Variants in RBFOX3 observed in about 807,000 individuals in gnomAD.
RBFOX3 encodes RNA binding fox-1 homolog 3, also known as RNA binding protein fox-1 homolog 3.
In RBFOX3, 17 loss-of-function variants were observed where a neutral mutation model predicts 48.7. The ratio of observed to expected loss-of-function variants is 0.35; its 90% CI spans 0.24 to 0.52. RBFOX3 has a LOEUF of 0.52. Ranked by LOEUF, RBFOX3 falls within the 20% of genes least tolerant of loss-of-function variation. The probability of loss-of-function intolerance (pLI) is 0.94; values close to 1 mark genes in which losing one functional copy is unlikely to be tolerated. For missense variants in RBFOX3, 382 were observed against 497.5 expected (o/e 0.77, Z 2.21); for synonymous variants, 212 against 209.5 (o/e 1.01, Z -0.10).
In RBFOX3 at chr17:79,091,212, G is replaced by A. The variant is rs1039758036; in HGVS notation, c.1078-327C>T. Among the ~76,000 whole-genome samples, 100 of 152,312 alleles carry A rather than the reference G, an allele frequency of 6.6e-4. 1 individual carries two copies. Among genetic ancestry groups the A allele is most frequent in the African/African-American group, 2.4e-3 (98 of 41,574 alleles). On this transcript the variant is annotated intron_variant, in intron 14 of 14. Coordinates refer to ENST00000693108, the MANE Select transcript of RBFOX3 (RefSeq NM_001350451.2). ...GGCAGAGGGTGATGGTCTGGCCACGGGAGGTGGGGGAGCCGGGCCCCCCAC... is the reference window on the plus strand; with the variant it reads ...GGCAGAGGGTGATGGTCTGGCCACGAGAGGTGGGGGAGCCGGGCCCCCCAC...
intron 4 of RBFOX3, among the ~76,000 whole-genome samples, chr17:79,180,347 C>G (rs1454555165): frequency 6.6e-6 from 1 of 152,230 alleles, no homozygotes; most frequent in African/African-American, 2.4e-5. Context: ...GCTTAGAAAG[C>G]CTGTTTAAAT....
intron 3 of RBFOX3, among the ~76,000 whole-genome samples, chr17:79,305,597 G>C (rs952396651): frequency 1.4e-4 from 21 of 152,096 alleles, no homozygotes; most frequent in Non-Finnish European, 2.1e-4. Context: ...AAAGACTTTG[G>C]GGAAGTCACG....
chr17:79,611,772 C>T (rs2145584169), upstream of RBFOX3, among the ~76,000 whole-genome samples: 1 of 152,318 alleles, frequency 6.6e-6, no homozygotes, highest in South Asian at 2.1e-4. Context: ...TGGAGGACCA[C>T]TGGAAAGGAA....
chr17:79,469,831 G>A (rs1036792969), intron 2 of RBFOX3, among the ~76,000 whole-genome samples: 8 of 152,202 alleles, frequency 5.3e-5, no homozygotes, highest in Non-Finnish European at 1.0e-4. Context: ...CTCGCATGGG[G>A]GAGCACGTGC....
intron 2 of RBFOX3, among the ~76,000 whole-genome samples, chr17:79,315,870 G>A (rs2077473871): frequency 6.6e-6 from 1 of 152,198 alleles, no homozygotes; most frequent in Non-Finnish European, 1.5e-5. Flanking sequence ...AAGGGGCTGG[G>A]GAGAGGCCTC....
intron 2 of RBFOX3, among the ~76,000 whole-genome samples, chr17:79,356,373 T>TTTTTTG (rs2085101068): frequency 1.1e-5 from 1 of 89,048 alleles, no homozygotes; most frequent in Non-Finnish European, 2.2e-5. Context: ...TTTTTTTTTT[T>TTTTTTG]TTTTTTTTTT....
chr17:79,184,109 G>A (rs554367527), intron 4 of RBFOX3, among the ~76,000 whole-genome samples: 4 of 48 alleles, frequency 0.083, no homozygotes, highest in East Asian at 0.5. Flanking sequence ...GGGGATGTCG[G>A]TGATGTAATC....
intron 4 of RBFOX3, among the ~76,000 whole-genome samples, chr17:79,139,609 C>T (rs2041486496): frequency 6.6e-6 from 1 of 152,238 alleles, no homozygotes; most frequent in African/African-American, 2.4e-5. Context: ...GAGGAGGATG[C>T]ACTGCCGGCC....
intron 4 of RBFOX3, among the ~76,000 whole-genome samples, chr17:79,139,893 C>G (rs1484688643): frequency 6.6e-6 from 1 of 152,204 alleles, no homozygotes; most frequent in Non-Finnish European, 1.5e-5. Flanking sequence ...ACGTGGGTGT[C>G]ACTATCCCCA....
At chr17:79,332,214 G>C (rs1275747058) in intron 2 of RBFOX3, among the ~76,000 whole-genome samples, 2 of 152,162 alleles carry the variant, frequency 1.3e-5, no homozygotes, top group East Asian at 1.9e-4. Context: ...CTGGAATTCT[G>C]TCTCCAAATT....
At chr17:79,141,400 C>T (rs571926783) in intron 4 of RBFOX3, among the ~76,000 whole-genome samples, 1 of 152,326 alleles carries the variant, frequency 6.6e-6, no homozygotes, top group South Asian at 2.1e-4. Context: ...AAGGCAGAGG[C>T]CCTGCCTAGG....
intron 2 of RBFOX3, among the ~76,000 whole-genome samples, chr17:79,474,791 G>A (rs2077493851): frequency 6.6e-6 from 1 of 152,024 alleles, no homozygotes; most frequent in Non-Finnish European, 1.5e-5. Flanking sequence ...CTCACCACCA[G>A]AGCCCCACGC....
intron 3 of RBFOX3, among the ~76,000 whole-genome samples, chr17:79,276,136 A>G (rs761133836): frequency 6.6e-6 from 1 of 152,224 alleles, no homozygotes; most frequent in South Asian, 2.1e-4. Flanking sequence ...CCCGCGTGGC[A>G]TGATTCCATT....
intron 2 of RBFOX3, among the ~76,000 whole-genome samples, chr17:79,349,610 C>A (rs952579629): frequency 9.9e-5 from 15 of 152,234 alleles, no homozygotes; most frequent in African/African-American, 3.1e-4. Context: ...GTTTGTGCGA[C>A]TCCAGTCTGA....
chr17:79,258,190 C>T (rs1055501608), intron 3 of RBFOX3, among the ~76,000 whole-genome samples: 9 of 152,316 alleles, frequency 5.9e-5, no homozygotes, highest in Middle Eastern at 3.4e-3. Flanking sequence ...TGGTCCTCCG[C>T]GGTGAATAGC....
intron 2 of RBFOX3, among the ~76,000 whole-genome samples, chr17:79,309,955 C>G (rs2076618451): frequency 6.6e-6 from 1 of 152,166 alleles, no homozygotes; most frequent in South Asian, 2.1e-4. Flanking sequence ...CTTTATACCC[C>G]ACAGTCATAA....
chr17:79,272,847 C>G (rs1284077471), intron 3 of RBFOX3, among the ~76,000 whole-genome samples: 1 of 152,132 alleles, frequency 6.6e-6, no homozygotes, highest in African/African-American at 2.4e-5. Flanking sequence ...TTCCCAACAT[C>G]TTTCTCCAGA....
chr17:79,443,413 G>T lies in RBFOX3; in HGVS notation c.-175+39041C>A, dbSNP rs1555736232. Among the ~76,000 whole-genome samples, 1 of 151,618 alleles carries T rather than the reference G, an allele frequency of 6.6e-6. No individual in the cohort carries two copies. Among genetic ancestry groups the T allele is most frequent in the African/African-American group, 2.4e-5 (1 of 41,242 alleles). ...TTTTTTTTTCTTTTGAGACAGTCTTGCTCTGTCGCCCAGGCTGGAGTGCAG... is the reference window on the plus strand; with the variant it reads ...TTTTTTTTTCTTTTGAGACAGTCTTTCTCTGTCGCCCAGGCTGGAGTGCAG... On this transcript the variant is annotated intron_variant, in intron 2 of 14. Coordinates refer to ENST00000693108, the MANE Select transcript of RBFOX3 (RefSeq NM_001350451.2). The surrounding 1 kb of genome is among the most constrained non-coding windows in gnomAD (Gnocchi z 4.4).
Position 79,148,256 on chromosome 17 carries a change from T to C in RBFOX3, c.-33-32508A>G, listed in dbSNP as rs936932649. Among the ~76,000 whole-genome samples the C allele has an allele frequency of 3.9e-5, 6 of 152,370 alleles. 1 individual carries two copies. The highest frequency in any genetic ancestry group is 3.9e-4 in the Admixed American group (6 of 15,312). ...GGTCCCGTTTCCCACCCACAGTCCCTTCTCCAGCCTCCCAAGGTCCCTTCC... is the reference window on the plus strand; with the variant it reads ...GGTCCCGTTTCCCACCCACAGTCCCCTCTCCAGCCTCCCAAGGTCCCTTCC... On this transcript the variant is annotated intron_variant, in intron 4 of 14. Coordinates refer to ENST00000693108, the MANE Select transcript of RBFOX3 (RefSeq NM_001350451.2).
Sources: gnomAD v4.1 joint callset for allele counts (sites outside exome capture counted in the v4.1 genomes callset) on GRCh38, gnomAD v4.1.1 for gene constraint, Gnocchi (gnomAD v3.1) non-coding constraint, MANE v1.5 for transcripts, NCBI Gene and HGNC (gene_info 2026-07-23, HGNC 2026-07-21) for gene names.